The following ZNF831 variants were observed in gnomAD, a reference collection of about 807,000 sequenced individuals.
The protein encoded by ZNF831 is chromosome 20 open reading frame 174.
In ZNF831, 59 loss-of-function variants were observed where a neutral mutation model predicts 95.8. That is an observed-to-expected ratio of 0.62 (90% CI 0.50 to 0.77). The LOEUF (loss-of-function observed/expected upper bound fraction) is 0.77, where lower values mean the gene tolerates loss of function less well. ZNF831 is among the 30% of genes least tolerant of loss of function. The pLI is 0.00. For synonymous variants in ZNF831, 961 were observed against 925.5 expected (o/e 1.04, Z -0.70); for missense variants, 2,205 against 2,164.0 (o/e 1.02, Z -0.38).
chr20:59,168,991 G>T (rs559881468), intron 1 of ZNF831, among the ~76,000 whole-genome samples: 83 of 152,142 alleles, frequency 5.5e-4, no homozygotes, highest in Admixed American at 9.2e-4. Flanking sequence ...GTGTTCATGA[G>T]GGATATTCGT....
chr20:59,168,731 A>G (rs907899179), intron 1 of ZNF831, among the ~76,000 whole-genome samples: 1 of 152,162 alleles, frequency 6.6e-6, no homozygotes, highest in Non-Finnish European at 1.5e-5. Flanking sequence ...GGTGTTTTGT[A>G]GATGCTTTTA....
intron 4 of ZNF831, among the ~76,000 whole-genome samples, chr20:59,222,641 C>T (rs1420825368): frequency 6.6e-6 from 1 of 152,178 alleles, no homozygotes; most frequent in Non-Finnish European, 1.5e-5. Flanking sequence ...GCGCAGAGGG[C>T]TGGGATTTAC....
At chr20:59,239,600 A>G (rs1385262781) in intron 4 of ZNF831, among the ~76,000 whole-genome samples, 1 of 137,778 alleles carries the variant, frequency 7.3e-6, no homozygotes, top group African/African-American at 2.8e-5. Context: ...CCCAGGCTGG[A>G]GTATAGTGAC....
intron 4 of ZNF831, among the ~76,000 whole-genome samples, chr20:59,243,356 A>G (rs780199826): frequency 1.3e-5 from 2 of 152,252 alleles, no homozygotes; most frequent in Non-Finnish European, 2.9e-5. Context: ...GGTTTACCTA[A>G]TCACGTTGAA....
At chr20:59,199,148 T>A (rs1426740923) in intron 3 of ZNF831, among the ~76,000 whole-genome samples, 2 of 149,870 alleles carry the variant, frequency 1.3e-5, no homozygotes, top group Non-Finnish European at 3.0e-5. Context: ...GTAACCCTTG[T>A]GTTCTCTCCT....
intron 1 of ZNF831, among the ~76,000 whole-genome samples, chr20:59,186,029 C>A (rs974916156): frequency 6.6e-6 from 1 of 152,198 alleles, no homozygotes; most frequent in Non-Finnish European, 1.5e-5. Context: ...TGCATTCATG[C>A]GTGCAGCTGG....
intron 4 of ZNF831, among the ~76,000 whole-genome samples, chr20:59,228,115 G>GT (rs1467128791): frequency 7.2e-5 from 11 of 152,186 alleles, no homozygotes; most frequent in African/African-American, 2.4e-4. Context: ...TAACACAGCA[G>GT]TATCTGCTTT....
At chr20:59,148,191 C>T (rs984474352) in intron 2 of ZNF831, among the ~76,000 whole-genome samples, 16 of 152,092 alleles carry the variant, frequency 1.1e-4, no homozygotes, top group Admixed American at 3.9e-4. Context: ...CATTTGTGGT[C>T]GGCCCATCCA....
intron 1 of ZNF831, among the ~76,000 whole-genome samples, chr20:59,141,970 C>G (rs1979696861): frequency 6.6e-6 from 1 of 152,208 alleles, no homozygotes; most frequent in Non-Finnish European, 1.5e-5. Flanking sequence ...ACGGCTGGCT[C>G]TACGTGTCTG....
At chr20:59,196,674 C>A (rs139241247) in intron 3 of ZNF831, among the ~76,000 whole-genome samples, 122 of 152,340 alleles carry the variant, frequency 8.0e-4, no homozygotes, top group Middle Eastern at 3.4e-3. Flanking sequence ...TCGCCCTCCA[C>A]CCTCATCCCA....
At chr20:59,235,307 G>T (rs929356167) in intron 4 of ZNF831, among the ~76,000 whole-genome samples, 5 of 152,096 alleles carry the variant, frequency 3.3e-5, no homozygotes, top group African/African-American at 1.2e-4. Flanking sequence ...GCTTCTCTTG[G>T]GAGACTTTTG....
intron 2 of ZNF831, among the ~76,000 whole-genome samples, chr20:59,148,157 A>G (rs896913191): frequency 2.6e-5 from 4 of 152,226 alleles, no homozygotes; most frequent in Non-Finnish European, 5.9e-5. Context: ...AGGCCAATGC[A>G]TAGTCTTCGT....
intron 4 of ZNF831, among the ~76,000 whole-genome samples, chr20:59,225,854 G>A (rs557820312): frequency 2.0e-5 from 3 of 152,148 alleles, no homozygotes; most frequent in Non-Finnish European, 4.4e-5. Context: ...AGCTCAAAAA[G>A]GTTTAAGCAC....
chr20:59,172,839 C>T (rs1236833632), intron 1 of ZNF831, among the ~76,000 whole-genome samples: 5 of 152,214 alleles, frequency 3.3e-5, no homozygotes, highest in Admixed American at 2.6e-4. Context: ...AATCCATTTG[C>T]ACACACATGT....
chr20:59,242,433 A>G (rs1045994061), intron 4 of ZNF831, among the ~76,000 whole-genome samples: 3 of 151,646 alleles, frequency 2.0e-5, no homozygotes, highest in Non-Finnish European at 4.4e-5. Context: ...ATTTTCACTA[A>G]TTATATTTTT....
intron 4 of ZNF831, among the ~76,000 whole-genome samples, chr20:59,252,440 T>C (rs1363777999): frequency 1.3e-5 from 2 of 152,192 alleles, no homozygotes; most frequent in Non-Finnish European, 2.9e-5. Context: ...TGCTGTTTTG[T>C]GGATATTGTC....
At chr20:59,157,332 G>A (rs1379152659) in intron 2 of ZNF831, among the ~76,000 whole-genome samples, 1 of 152,234 alleles carries the variant, frequency 6.6e-6, no homozygotes, top group African/African-American at 2.4e-5. Context: ...CCTACTGAAA[G>A]TGTGGGGGCG....
chr20:59,201,646 T>C (rs538516347), intron 3 of ZNF831, among the ~76,000 whole-genome samples: 2 of 152,244 alleles, frequency 1.3e-5, no homozygotes, highest in South Asian at 4.1e-4. Context: ...TGTTTACATA[T>C]GGTGTGATGT....
At chr20:59,172,569 C>A (rs528769723) in intron 1 of ZNF831, among the ~76,000 whole-genome samples, 4 of 152,126 alleles carry the variant, frequency 2.6e-5, no homozygotes, top group Non-Finnish European at 5.9e-5. Flanking sequence ...GTGATACACC[C>A]GGCCCAGCAG....
Sources: allele counts gnomAD v4.1 joint callset (sites outside exome capture counted in the v4.1 genomes callset), GRCh38; gene constraint gnomAD v4.1.1; transcripts MANE v1.5; gene names NCBI Gene and HGNC (gene_info 2026-07-23, HGNC 2026-07-21).